The following SNX27 variants were observed in gnomAD, a reference collection of about 807,000 sequenced individuals.
The protein encoded by SNX27 is sorting nexin-27.
A neutral mutation model predicts 71.6 loss-of-function variants in SNX27; 22 were observed. The ratio of observed to expected loss-of-function variants is 0.31; its 90% CI spans 0.22 to 0.44. The LOEUF (loss-of-function observed/expected upper bound fraction) is 0.44, where lower values mean the gene tolerates loss of function less well. Among genes scored for constraint, SNX27 ranks in the 20% least tolerant of loss-of-function variants. The probability of loss-of-function intolerance (pLI) is 1.00; values close to 1 mark genes in which losing one functional copy is unlikely to be tolerated. For missense variants in SNX27, 531 were observed against 698.6 expected (o/e 0.76, Z 2.70); for synonymous variants, 269 against 277.2 (o/e 0.97, Z 0.29).
At chr1:151,689,615 C>T (rs1558076419) in intron 8 of SNX27, among the ~76,000 whole-genome samples, 1 of 152,230 alleles carries the variant, frequency 6.6e-6, no homozygotes, top group Non-Finnish European at 1.5e-5. Flanking sequence ...GAACTCTCAA[C>T]AGATGTGCTG....
In SNX27 at chr1:151,612,606, C is replaced by T; in HGVS notation, c.311+94C>T. The T allele has an allele frequency of 9.8e-7, 1 of 1,022,832 alleles. No individual in the cohort carries two copies. Among genetic ancestry groups the T allele is most frequent in the Admixed American group, 4.3e-5 (1 of 23,400 alleles). 63.4% of individuals were successfully genotyped at this position (1,022,832 alleles called of 1,614,324 possible). On this transcript the variant is annotated intron_variant, in intron 1 of 11. Transcript: ENST00000458013. The surrounding 1 kb of genome is among the most constrained non-coding windows in gnomAD (Gnocchi z 5.2). ...CTTGTCACCCCCAGGCCGCACCTCC[C>T]CCGAGCTCCGAGCCGGCCTCCGGAC...
intron 5 of SNX27, among the ~76,000 whole-genome samples, chr1:151,665,644 G>A (rs1302488542): frequency 6.6e-6 from 1 of 152,168 alleles, no homozygotes; most frequent in East Asian, 1.9e-4. Flanking sequence ...TGATATTTAA[G>A]GAGAGACTAT....
chr1:151,637,240 G>A (rs574362099), intron 1 of SNX27, among the ~76,000 whole-genome samples: 2 of 149,066 alleles, frequency 1.3e-5, no homozygotes, highest in South Asian at 2.1e-4. Context: ...GTGCAGTGGC[G>A]TGATCTGGGC....
chr1:151,628,390 A>G (rs1037375706), intron 1 of SNX27, among the ~76,000 whole-genome samples: 17 of 152,288 alleles, frequency 1.1e-4, no homozygotes, highest in African/African-American at 2.9e-4. Flanking sequence ...TTATTCATCT[A>G]TTGAAGGACA....
chr1:151,639,131 C>T lies in SNX27; in HGVS notation c.543+12C>T. On this transcript the variant is annotated intron_variant, in intron 2 of 11. Coordinates refer to ENST00000458013, the MANE Select transcript of SNX27 (RefSeq NM_001330723.2). Reference sequence around the variant, plus strand: ...GTGAGAAGTTTGTGGTGAGTGTCAGCCCAACTCGATCCTCGAACATCTAGC... The same window carrying T: ...GTGAGAAGTTTGTGGTGAGTGTCAGTCCAACTCGATCCTCGAACATCTAGC... The T allele has an allele frequency of 6.2e-7, 1 of 1,601,002 alleles. No individual in the cohort carries two copies. The highest frequency in any genetic ancestry group is 8.6e-7 in the Non-Finnish European group (1 of 1,169,472).
rs2102580297 is a variant in SNX27 at position 151,612,707 on chromosome 1, G to C, written c.311+195G>C. Among the ~76,000 whole-genome samples the C allele has an allele frequency of 6.6e-6, 1 of 151,632 alleles. No homozygotes were observed. Among genetic ancestry groups the C allele is most frequent in the South Asian group, 2.1e-4 (1 of 4,822 alleles). On this transcript the variant is annotated intron_variant, in intron 1 of 11. Coordinates refer to ENST00000458013, the MANE Select transcript of SNX27 (RefSeq NM_001330723.2). The surrounding 1 kb of genome is among the most constrained non-coding windows in gnomAD (Gnocchi z 5.2). ...CCACCACCCGCCCCGGGGCTTCTGC[G>C]ACGCCGGTCTCCCACCCCGTCGTCT...
intron 1 of SNX27, among the ~76,000 whole-genome samples, chr1:151,626,311 A>G (rs1667938958): frequency 6.6e-6 from 1 of 151,818 alleles, no homozygotes; most frequent in Non-Finnish European, 1.5e-5. Context: ...ATGAGACCTA[A>G]TTAGAATTAA....
chr1:151,615,618 G>A, intron 1 of SNX27: 1 of 837,990 alleles, frequency 1.2e-6, no homozygotes, highest in Admixed American at 6.2e-5. Context: ...AGAGCCAGGT[G>A]GGGTCAGAAT....
Position 151,696,077 on chromosome 1 carries a change from G to GGAGACTGA in SNX27, c.*1661_*1668dup, listed in dbSNP as rs751439580. The GGAGACTGA allele has an allele frequency of 3.3e-5, 5 of 152,324 alleles. No individual in the cohort carries two copies. 9.4% of individuals were successfully genotyped at this position (152,324 alleles called of 1,614,324 possible). ...TGGATCTCCCAAGTTTTAATTGAAA[G>GGAGACTGA]GAGACTGAACGAAAACCTTTCTGCT... On this transcript the variant is annotated 3_prime_UTR_variant, in exon 12 of 12. Transcript: ENST00000458013.
chr1:151,688,114 C>T (rs1671269106), intron 8 of SNX27, among the ~76,000 whole-genome samples: 1 of 151,990 alleles, frequency 6.6e-6, no homozygotes, highest in Non-Finnish European at 1.5e-5. Context: ...GAAGATAATT[C>T]GGGATACATA....
At position 151,662,466 on chromosome 1, in the gene SNX27, T is replaced by TGTA. The variant is rs1670004063; in HGVS notation, c.906+202_906+204dup. The TGTA allele has an allele frequency of 8.5e-6, 3 of 351,342 alleles. 1 individual carries two copies. The Admixed American group carries it at 1.3e-4, about 15-fold the overall frequency. 21.8% of individuals were successfully genotyped at this position (351,342 alleles called of 1,614,324 possible). A position where few individuals can be genotyped will look rare whatever the true frequency, so the allele number is the denominator to read the frequency against. On this transcript the variant is annotated intron_variant, in intron 5 of 11. Transcript: ENST00000458013. ...GAAAGGTACGGTAAATATCCCAGGT[T>TGTA]GTAGTAGTTGTGATTAACGCCTCCT...
In SNX27 at chr1:151,612,331, G is replaced by T. The variant is rs747108673; in HGVS notation, c.130G>T (p.Val44Leu). ...GGGGGGGPRV[V>L]RIVKSESGYG... ...CGGGGGAGGCGGCGGCCCGCGGGTC[G>T]TGCGCATCGTCAAGTCCGAGTCCGG... The change falls in exon 1 of 12, where the codon GTG (valine) becomes TTG (leucine). Residue 44 changes from valine to leucine, a missense_variant. By Grantham distance (32) the Val-to-Leu change is conservative. Coordinates refer to ENST00000458013, the MANE Select transcript of SNX27 (RefSeq NM_001330723.2). This position sits in a 1 kb window ranked among gnomAD's most constrained non-coding sequence, Gnocchi z 5.2. 3 of 1,533,644 alleles carry T rather than the reference G, an allele frequency of 2.0e-6. No individual in the cohort carries two copies. The highest frequency in any genetic ancestry group is 2.7e-5 in the East Asian group (1 of 36,974).
chr1:151,641,629 A>ATATATATATATATATC (rs1195933776), intron 2 of SNX27, among the ~76,000 whole-genome samples: 3 of 120,070 alleles, frequency 2.5e-5, no homozygotes, highest in South Asian at 2.8e-4. Context: ...ATATATATAT[A>ATATATATATATATATC]TCATATGTAT....
chr1:151,692,406 C>CAT (rs1671492739), intron 8 of SNX27, 29 bp from the exon 9 acceptor site: 3 of 854,648 alleles, frequency 3.5e-6, no homozygotes, highest in South Asian at 1.9e-5. Flanking sequence ...TTTCTCCTTC[C>CAT]TTTTTTTTTT....
At chr1:151,669,924 G>A (rs1327143063) in intron 7 of SNX27, among the ~76,000 whole-genome samples, 1 of 152,038 alleles carries the variant, frequency 6.6e-6, no homozygotes, top group Non-Finnish European at 1.5e-5. Flanking sequence ...ATTTAAAAAT[G>A]TACAATTAAA....
rs144687541 is a variant in SNX27 at position 151,668,170 on chromosome 1, T to C, written c.986-302T>C. On this transcript the variant is annotated intron_variant, in intron 6 of 11. Coordinates refer to ENST00000458013, the MANE Select transcript of SNX27 (RefSeq NM_001330723.2). ...ATCACATTAGGCCCCACCTCTAACA[T>C]TGGGGATCAAATTTCAACATGAACT... 9.1e-3 allele frequency among the ~76,000 whole-genome samples: 1,384 copies of C among 151,894 alleles called. 16 individuals carry two copies. Among genetic ancestry groups the C allele is most frequent in the African/African-American group, 0.031 (1,292 of 41,412 alleles).
chr1:151,640,183 CCA>C (rs1668660042), intron 2 of SNX27, among the ~76,000 whole-genome samples: 1 of 152,090 alleles, frequency 6.6e-6, no homozygotes, highest in Admixed American at 6.6e-5. Flanking sequence ...AGTCTTAGAA[CCA>C]CACACAGAAT....
At position 151,615,917 on chromosome 1, in the gene SNX27, A is replaced by C. The variant is rs1667404321; in HGVS notation, c.311+3405A>C. 5.9e-6 allele frequency: 4 copies of C among 678,852 alleles called. No individual in the cohort carries two copies. In the Admixed American group the frequency reaches 2.5e-4, roughly 43 times the overall value. 42.1% of individuals were successfully genotyped at this position (678,852 alleles called of 1,614,324 possible). Reference sequence around the variant, plus strand: ...AGTCGGCTTACCAAGGCTCTGTCCTAATCTTTAGTCCTGAAACTAAATTGG... The same window carrying C: ...AGTCGGCTTACCAAGGCTCTGTCCTCATCTTTAGTCCTGAAACTAAATTGG... On this transcript the variant is annotated intron_variant, in intron 1 of 11. Coordinates refer to ENST00000458013, the MANE Select transcript of SNX27 (RefSeq NM_001330723.2).
chr1:151,692,326 T>G (rs1031671608), intron 8 of SNX27, 109 bp from the exon 9 acceptor site: 14 of 1,348,510 alleles, frequency 1.0e-5, no homozygotes, highest in Non-Finnish European at 1.4e-5. Flanking sequence ...GAATACTCTT[T>G]GTTCTTTTTC....
Sources: gnomAD v4.1 joint callset for allele counts (sites outside exome capture counted in the v4.1 genomes callset) on GRCh38, gnomAD v4.1.1 for gene constraint, Gnocchi (gnomAD v3.1) non-coding constraint, MANE v1.5 for transcripts, NCBI Gene and HGNC (gene_info 2026-07-23, HGNC 2026-07-21) for gene names.